The following NPR3 variants were observed in gnomAD, a reference collection of about 807,000 sequenced individuals.
NPR3 encodes natriuretic peptide receptor 3, also known as atrial natriuretic peptide receptor 3.
NPR3 carries 34 observed loss-of-function variants against 54.5 expected under a neutral mutation model. The ratio of observed to expected loss-of-function variants is 0.62; its 90% CI spans 0.47 to 0.83. NPR3 has a LOEUF of 0.83. Among genes scored for constraint, NPR3 ranks in the 40% least tolerant of loss-of-function variants. NPR3 has a pLI of 0.00. For missense variants in NPR3, 674 were observed against 720.8 expected (o/e 0.94, Z 0.74); for synonymous variants, 289 against 297.1 (o/e 0.97, Z 0.28).
intron 3 of NPR3, among the ~76,000 whole-genome samples, chr5:32,750,917 A>G (rs1437159979): frequency 6.6e-5 from 10 of 152,214 alleles, no homozygotes; most frequent in African/African-American, 1.7e-4. Context: ...AACAACAAAA[A>G]GGGTGGTGTC....
At chr5:32,785,357 G>A (rs145019273) in intron 7 of NPR3, among the ~76,000 whole-genome samples, 504 of 152,010 alleles carry the variant, frequency 3.3e-3, no homozygotes, top group Non-Finnish European at 5.6e-3. Flanking sequence ...CACCATGTTG[G>A]CCAGGTTGGT....
intron 2 of NPR3, among the ~76,000 whole-genome samples, chr5:32,725,789 A>G (rs553383483): frequency 6.6e-6 from 1 of 152,352 alleles, no homozygotes; most frequent in South Asian, 2.1e-4. Flanking sequence ...GAAATAAAAT[A>G]ACTGTTACTG....
chr5:32,774,799 A>T lies in NPR3; in HGVS notation c.1151A>T (p.Asp384Val), dbSNP rs1741958480. 1 of 1,610,206 alleles carries T rather than the reference A, an allele frequency of 6.2e-7. No individual in the cohort carries two copies. The highest frequency in any genetic ancestry group is 1.7e-5 in the Admixed American group (1 of 59,996). Reference sequence around the variant, plus strand: ...CTCAGAGCTGGTTACAGCAAAAAGGATGGAGGGAAAATTATACAGCAGACT... The same window carrying T: ...CTCAGAGCTGGTTACAGCAAAAAGGTTGGAGGGAAAATTATACAGCAGACT... ...EVLRAGYSKK[D>V]GGKIIQQTWN... Residue 384 changes from aspartate (D) to valine (V), a missense_variant, in exon 4 of 8, where the codon GAT becomes GTT. Asp to Val is a radical substitution (Grantham distance 152). Coordinates refer to ENST00000265074, the MANE Select transcript of NPR3 (RefSeq NM_001204375.2).
chr5:32,697,088 A>G (rs1740550456), intron 1 of NPR3, among the ~76,000 whole-genome samples: 1 of 152,280 alleles, frequency 6.6e-6, no homozygotes, highest in South Asian at 2.1e-4. Context: ...GGTTTTCCCT[A>G]TTCAGCATGA....
At chr5:32,714,141 A>G (rs556653899) in intron 1 of NPR3, among the ~76,000 whole-genome samples, 1 of 150,150 alleles carries the variant, frequency 6.7e-6, no homozygotes, top group Non-Finnish European at 1.5e-5. Context: ...GCTAGGCGCT[A>G]GAAGTCAGAG....
chr5:32,737,982 C>T (rs1330502571), intron 2 of NPR3, among the ~76,000 whole-genome samples: 1 of 151,806 alleles, frequency 6.6e-6, no homozygotes, highest in Non-Finnish European at 1.5e-5. Flanking sequence ...ATCTCATTAC[C>T]ACTAATGCAC....
chr5:32,770,480 G>C (rs1741699406), intron 3 of NPR3, among the ~76,000 whole-genome samples: 1 of 151,996 alleles, frequency 6.6e-6, no homozygotes. Flanking sequence ...GAAATGAAAG[G>C]AACGAGAGTT....
rs572973805 is a variant in NPR3 at position 32,759,422 on chromosome 5, G to A, written c.1060-15286G>A. Among the ~76,000 whole-genome samples, 83 of 151,926 alleles carry A rather than the reference G, an allele frequency of 5.5e-4. No homozygotes were observed. The South Asian group carries it at 8.9e-3, about 16-fold the overall frequency. ...GTCTGTTTTATCAGAGACTAGGATT[G>A]CAACCCCTGCCTTTTTTTGTTTTTC... On this transcript the variant is annotated intron_variant, in intron 3 of 7. Transcript: ENST00000265074.
chr5:32,784,737 C>A, intron 6 of NPR3, 59 bp from the exon 7 acceptor site: 3 of 1,332,108 alleles, frequency 2.3e-6, no homozygotes, highest in Non-Finnish European at 3.2e-6. Flanking sequence ...GAATGAAACT[C>A]GAGGCATTTC....
Position 32,788,948 on chromosome 5 carries a change from C to G in NPR3, c.*2603C>G, listed in dbSNP as rs1258459831. On this transcript the variant is annotated 3_prime_UTR_variant, in exon 8 of 8. Transcript: ENST00000265074. ...GAAACCTTGGTTAAAAATGTAGGTG[C>G]CTGGCCCATGGTTACCCTGGATTCA... 6.6e-6 allele frequency: 1 copy of G among 152,284 alleles called. No individual in the cohort carries two copies. Among genetic ancestry groups the G allele is most frequent in the Non-Finnish European group, 1.5e-5 (1 of 68,178 alleles). The allele number at this position is 152,284 out of a possible 1,614,324, so 9.4% of individuals were successfully genotyped here.
At chr5:32,744,664 A>C (rs1048883793) in intron 3 of NPR3, among the ~76,000 whole-genome samples, 3 of 152,204 alleles carry the variant, frequency 2.0e-5, no homozygotes, top group African/African-American at 7.2e-5. Context: ...AGGCTGATAC[A>C]TATGACACTC....
intron 1 of NPR3, among the ~76,000 whole-genome samples, chr5:32,693,030 G>A (rs1740434198): frequency 6.6e-6 from 1 of 152,112 alleles, no homozygotes; most frequent in Non-Finnish European, 1.5e-5. Flanking sequence ...GCTGAGACAG[G>A]AGAATCCCTT....
At chr5:32,762,347 T>C (rs1294388351) in intron 3 of NPR3, among the ~76,000 whole-genome samples, 1 of 151,836 alleles carries the variant, frequency 6.6e-6, no homozygotes, top group East Asian at 1.9e-4. Flanking sequence ...TTTCTGGTTC[T>C]AGATCCTTGA....
intron 1 of NPR3, chr5:32,716,594 A>T (rs138959555): frequency 6.0e-4 from 203 of 336,340 alleles, no homozygotes; most frequent in Non-Finnish European, 8.1e-4. Flanking sequence ...ACTGCATTCC[A>T]GCCTGGGCAA....
chr5:32,710,664 T>C, upstream of NPR3: 1 of 1,512,514 alleles, frequency 6.6e-7, no homozygotes. Flanking sequence ...AGGTCCGCGA[T>C]GGAGCCATCT....
intron 2 of NPR3, among the ~76,000 whole-genome samples, chr5:32,730,824 AT>A (rs1014772543): frequency 1.5e-4 from 23 of 152,340 alleles, no homozygotes; most frequent in African/African-American, 5.0e-4. Context: ...AAATAAAAAA[AT>A]CTGTATTAAT....
rs186814909 is a variant in NPR3, at chr5:32,724,700, G to A, written c.772G>A (p.Val258Met). The change falls in exon 2 of 8, where the codon GTG becomes ATG. Residue 258 changes from valine to methionine, a missense_variant and splice_region_variant. Coordinates refer to ENST00000265074, the MANE Select transcript of NPR3 (RefSeq NM_001204375.2). Reference sequence around the variant, plus strand: ...TGTGTTGTTTGTTCCTCCCCTAGTGGTGATCATGTGTGCGAGCAGTGACAC... The same window carrying A: ...TGTGTTGTTTGTTCCTCCCCTAGTGATGATCATGTGTGCGAGCAGTGACAC... ...VRNIQASERV[V>M]IMCASSDTIR... is the part of the protein sequence containing the mutation. 2 of 1,613,910 alleles carry A rather than the reference G, an allele frequency of 1.2e-6. No homozygotes were observed. Among genetic ancestry groups the A allele is most frequent in the African/African-American group, 1.3e-5 (1 of 75,022 alleles).
Position 32,738,653 on chromosome 5 carries a change from C to T in NPR3, c.893-211C>T, listed in dbSNP as rs76070337. ...ACCTCAACAGTACTCTTCTTTCTCG[C>T]TCACATTTCAAAGGAACACATGTCC... On this transcript the variant is annotated intron_variant, in intron 2 of 7. Coordinates refer to ENST00000265074, the MANE Select transcript of NPR3 (RefSeq NM_001204375.2). 2.4e-4 allele frequency among the ~76,000 whole-genome samples: 37 copies of T among 152,310 alleles called. No homozygotes were observed. The East Asian group carries it at 6.8e-3, about 28-fold the overall frequency.
In NPR3 at chr5:32,787,967, C is replaced by T. The variant is rs1349843891; in HGVS notation, c.*1622C>T. 2 of 152,162 alleles carry T rather than the reference C, an allele frequency of 1.3e-5. No homozygotes were observed. Among genetic ancestry groups the T allele is most frequent in the East Asian group, 3.9e-4 (2 of 5,192 alleles). 9.4% of individuals were successfully genotyped at this position (152,162 alleles called of 1,614,324 possible). A position where few individuals can be genotyped will look rare whatever the true frequency, so the allele number is the denominator to read the frequency against. ...GGAAACAGGAGAGTCTGAGCAATCC[C>T]TTGGTGGCGATGAAGGTGGTAGTTC... On this transcript the variant is annotated 3_prime_UTR_variant, in exon 8 of 8. Coordinates refer to ENST00000265074, the MANE Select transcript of NPR3 (RefSeq NM_001204375.2).
Sources: gnomAD v4.1 joint callset for allele counts (sites outside exome capture counted in the v4.1 genomes callset) on GRCh38, gnomAD v4.1.1 for gene constraint, MANE v1.5 for transcripts, NCBI Gene and HGNC (gene_info 2026-07-23, HGNC 2026-07-21) for gene names.